Variants in SLC25A21 observed in about 807,000 individuals in gnomAD.
The protein encoded by SLC25A21 is mitochondrial 2-oxodicarboxylate carrier.
SLC25A21 carries 47 observed loss-of-function variants against 43.8 expected under a neutral mutation model. That is an observed-to-expected ratio of 1.07 (90% confidence interval 0.85 to 1.37). The LOEUF is 1.37. Ranked by LOEUF, SLC25A21 falls within the 40% of genes most tolerant of loss-of-function variation. SLC25A21 has a pLI of 0.00. For synonymous variants in SLC25A21, 131 were observed against 121.3 expected (o/e 1.08, Z -0.52); for missense variants, 352 against 350.2 (o/e 1.00, Z -0.04).
At chr14:37,007,286 T>C (rs1168764847) in intron 1 of SLC25A21, among the ~76,000 whole-genome samples, 2 of 152,172 alleles carry the variant, frequency 1.3e-5, no homozygotes, top group South Asian at 4.1e-4. Context: ...TCTGATAGCC[T>C]GGAACTTATA....
chr14:36,706,492 C>T (rs1463779136), intron 7 of SLC25A21, among the ~76,000 whole-genome samples: 2 of 152,136 alleles, frequency 1.3e-5, no homozygotes, highest in African/African-American at 4.8e-5. Context: ...TCCTCACAAG[C>T]CACAGGACCC....
chr14:37,058,124 A>C (rs1438875000), intron 1 of SLC25A21, among the ~76,000 whole-genome samples: 1 of 152,270 alleles, frequency 6.6e-6, no homozygotes, highest in African/African-American at 2.4e-5. Flanking sequence ...AATTTAAAAA[A>C]TGAATGAAGC....
At chr14:37,074,495 T>G (rs1384904484) in intron 1 of SLC25A21, among the ~76,000 whole-genome samples, 1 of 152,188 alleles carries the variant, frequency 6.6e-6, no homozygotes, top group East Asian at 1.9e-4. Context: ...CCTTTTGCTT[T>G]CTGGCTTCCT....
intron 1 of SLC25A21, among the ~76,000 whole-genome samples, chr14:36,950,977 G>A (rs546641746): frequency 6.6e-6 from 1 of 152,060 alleles, no homozygotes; most frequent in Non-Finnish European, 1.5e-5. Context: ...GGAGCTCAAG[G>A]CTCTACACCC....
chr14:37,055,902 A>G (rs548898138), intron 1 of SLC25A21, among the ~76,000 whole-genome samples: 1 of 145,688 alleles, frequency 6.9e-6, no homozygotes, highest in African/African-American at 2.5e-5. Flanking sequence ...TGCAAATCTC[A>G]TGTTGAATTG....
intron 1 of SLC25A21, among the ~76,000 whole-genome samples, chr14:37,127,472 T>G (rs907610371): frequency 6.6e-6 from 1 of 152,260 alleles, no homozygotes; most frequent in Non-Finnish European, 1.5e-5. Flanking sequence ...TTTTTCTTTT[T>G]AAACTTCCTC....
chr14:36,904,964 A>C (rs1891496089), intron 1 of SLC25A21, among the ~76,000 whole-genome samples: 1 of 152,202 alleles, frequency 6.6e-6, no homozygotes, highest in African/African-American at 2.4e-5. Flanking sequence ...TGAAGTAGCA[A>C]AACTGGCCCA....
intron 1 of SLC25A21, among the ~76,000 whole-genome samples, chr14:36,989,682 A>G (rs979468339): frequency 1.3e-5 from 2 of 152,134 alleles, no homozygotes; most frequent in African/African-American, 4.8e-5. Flanking sequence ...CATGTTGGGA[A>G]ACACTGAGTC....
At chr14:37,121,599 C>T (rs1489011149) in intron 1 of SLC25A21, among the ~76,000 whole-genome samples, 1 of 152,014 alleles carries the variant, frequency 6.6e-6, no homozygotes, top group African/African-American at 2.4e-5. Context: ...ACCAGCCTGG[C>T]CAACACGGTG....
chr14:36,774,535 T>G (rs1041351940), intron 3 of SLC25A21, among the ~76,000 whole-genome samples: 3 of 152,186 alleles, frequency 2.0e-5, no homozygotes. Flanking sequence ...AACAGAAGGC[T>G]TTATATCCAT....
chr14:36,683,868 C>T lies in SLC25A21; in HGVS notation c.798G>A (p.Leu266=). Residue 266 remains leucine (L), a synonymous_variant, in exon 9 of 10, where the codon TTG becomes TTA. Transcript: ENST00000331299. The part of the protein sequence containing the change: ...TVYQEEGILA[L]YKGLLPKIMR... ...TAATCTTGGGAAGCAGGCCTTTGTA[C>T]AAAGCTAAAATCCTGTAATGGGAAG... 1 of 1,606,004 alleles carries T rather than the reference C, an allele frequency of 6.2e-7. No individual in the cohort carries two copies. The highest frequency in any genetic ancestry group is 8.5e-7 in the Non-Finnish European group (1 of 1,175,658).
chr14:36,922,137 T>TAAA lies in SLC25A21; in HGVS notation c.71-47136_71-47134dup, dbSNP rs564666171. Among the ~76,000 whole-genome samples the TAAA allele has an allele frequency of 2.3e-3, 301 of 131,220 alleles. 3 individuals are homozygous for TAAA. The highest frequency in any genetic ancestry group is 7.8e-3 in the African/African-American group (279 of 35,662). The allele number at this position is 131,220 out of a possible 152,430, so 86.1% of individuals were successfully genotyped here. A position where few individuals can be genotyped will look rare whatever the true frequency, so the allele number is the denominator to read the frequency against. The stretch of plus-strand genomic sequence containing the variant: ...CTGGGCAACAGAGCGAGATTCTGCC[T>TAAA]AAAAAAAAAAAAAAAATTGTAGTAT... On this transcript the variant is annotated intron_variant, in intron 1 of 9. Coordinates refer to ENST00000331299, the MANE Select transcript of SLC25A21 (RefSeq NM_030631.4).
rs1334250229 is a variant in SLC25A21 at position 37,172,386 on chromosome 14, ATG to A, written c.-38_-37del. 3 of 1,571,340 alleles carry A rather than the reference ATG, an allele frequency of 1.9e-6. No homozygotes were observed. The East Asian group carries it at 7.0e-5, about 37-fold the overall frequency. ...CGGGAGGACAAGGGAGTGGGCTGAG[ATG>A]CGTCAACGAGCTCGCAGCCTGCACA... On this transcript the variant is annotated 5_prime_UTR_variant, in exon 1 of 10. Coordinates refer to ENST00000331299, the MANE Select transcript of SLC25A21 (RefSeq NM_030631.4).
rs1057421445 is a variant in SLC25A21 at position 37,065,238 on chromosome 14, C to T, written c.70+107043G>A. On this transcript the variant is annotated intron_variant, in intron 1 of 9. Coordinates refer to ENST00000331299, the MANE Select transcript of SLC25A21 (RefSeq NM_030631.4). ...AAGAACCCTGAATGCAGAGATTATACTGTGACAAAACATGGTAGCCTAGGT... is the reference window on the plus strand; with the variant it reads ...AAGAACCCTGAATGCAGAGATTATATTGTGACAAAACATGGTAGCCTAGGT... 3.3e-5 allele frequency among the ~76,000 whole-genome samples: 5 copies of T among 152,148 alleles called. No individual in the cohort carries two copies. In the East Asian group the frequency reaches 9.6e-4, roughly 29 times the overall value.
chr14:36,729,602 A>T, intron 4 of SLC25A21, 36 bp from the exon 5 acceptor site: 1 of 1,561,562 alleles, frequency 6.4e-7, no homozygotes, highest in Non-Finnish European at 8.7e-7. Context: ...ATTTATAACA[A>T]TTTTCCTGCA....
At chr14:37,129,309 C>T (rs1364969915) in intron 1 of SLC25A21, among the ~76,000 whole-genome samples, 5 of 152,184 alleles carry the variant, frequency 3.3e-5, no homozygotes, top group African/African-American at 1.2e-4. Flanking sequence ...TTTTTATGCA[C>T]AGTGGCAGGT....
chr14:36,773,137 A>G lies in SLC25A21; in HGVS notation c.204-38564T>C, dbSNP rs78507819. Among the ~76,000 whole-genome samples the G allele has an allele frequency of 1.1e-3, 161 of 152,250 alleles. 2 individuals carry two copies. Among genetic ancestry groups the G allele is most frequent in the East Asian group, 3.1e-3 (16 of 5,188 alleles). On this transcript the variant is annotated intron_variant, in intron 3 of 9. Coordinates refer to ENST00000331299, the MANE Select transcript of SLC25A21 (RefSeq NM_030631.4). Reference sequence around the variant, plus strand: ...AGGATTTCATGTTCTTTCAAAATAAACTTAAAATACTTTGCTTGGTTGCAT... The same window carrying G: ...AGGATTTCATGTTCTTTCAAAATAAGCTTAAAATACTTTGCTTGGTTGCAT...
Position 36,764,036 on chromosome 14 carries a change from AAAAG to A in SLC25A21, c.204-29467_204-29464del, listed in dbSNP as rs759050826. Among the ~76,000 whole-genome samples the A allele has an allele frequency of 1.7e-3, 43 of 25,660 alleles. 5 individuals carry two copies. Among genetic ancestry groups the A allele is most frequent in the African/African-American group, 6.2e-3 (33 of 5,356 alleles). The allele number at this position is 25,660 out of a possible 152,430, so 16.8% of individuals were successfully genotyped here. The stretch of plus-strand genomic sequence containing the variant: ...AGAGCAAGACTCTGTGAAAGAAAGA[AAAAG>A]AAAGAAAGAAAGAAAGAAAGAAAGA... On this transcript the variant is annotated intron_variant, in intron 3 of 9. Transcript: ENST00000331299.
chr14:36,743,489 C>T (rs1322753015), intron 3 of SLC25A21, among the ~76,000 whole-genome samples: 1 of 151,904 alleles, frequency 6.6e-6, no homozygotes, highest in Non-Finnish European at 1.5e-5. Context: ...GAAAGACAAC[C>T]CAATCATGGA....
Sources: gnomAD v4.1 joint callset for allele counts (sites outside exome capture counted in the v4.1 genomes callset) on GRCh38, gnomAD v4.1.1 for gene constraint, MANE v1.5 for transcripts, NCBI Gene and HGNC (gene_info 2026-07-23, HGNC 2026-07-21) for gene names.